The following SLC11A2 variants were observed in gnomAD, a reference collection of about 807,000 sequenced individuals.
SLC11A2 encodes natural resistance-associated macrophage protein 2.
In SLC11A2, 38 loss-of-function variants were observed where a neutral mutation model predicts 68.0. The ratio of observed to expected loss-of-function variants is 0.56; its 90% confidence interval spans 0.43 to 0.73. The LOEUF (loss-of-function observed/expected upper bound fraction) is 0.73. Among genes scored for constraint, SLC11A2 ranks in the 30% least tolerant of loss-of-function variants. SLC11A2 has a pLI of 0.00. For missense variants in SLC11A2, 517 were observed against 690.5 expected (o/e 0.75, Z 2.82); for synonymous variants, 242 against 250.6 (o/e 0.97, Z 0.32).
the SLC11A2 span, among the ~76,000 whole-genome samples, chr12:50,963,563 G>A: frequency 0.18 from 27,783 of 151,776 alleles, 2,905 homozygotes; most frequent in East Asian, 0.5. Flanking sequence ...TTCATCCTGG[G>A]GCTAAACATG....
chr12:51,023,993 G>T (rs144481221), intron 1 of SLC11A2, among the ~76,000 whole-genome samples: 1 of 152,062 alleles, frequency 6.6e-6, no homozygotes, highest in African/African-American at 2.4e-5. Flanking sequence ...CTTGTCTTGT[G>T]GGGGGTGGGA....
chr12:50,992,140 C>T (rs936722849), intron 13 of SLC11A2, 50 bp downstream of exon 13: 2 of 1,597,438 alleles, frequency 1.3e-6, no homozygotes, highest in East Asian at 2.2e-5. Flanking sequence ...AAGGGCAGTA[C>T]ATAATGCTAC....
At chr12:50,977,887 G>GA (rs1273437165), downstream of SLC11A2, among the ~76,000 whole-genome samples, 17 of 152,262 alleles carry the variant, frequency 1.1e-4, no homozygotes, top group African/African-American at 4.1e-4. Context: ...ACAGACACAT[G>GA]AAAAAATGCT....
chr12:51,021,815 T>C (rs192572446), intron 1 of SLC11A2, among the ~76,000 whole-genome samples: 23 of 151,958 alleles, frequency 1.5e-4, no homozygotes, highest in African/African-American at 5.3e-4. Context: ...GGGAGGAAGA[T>C]GTAAGGAGGA....
chr12:51,021,202 A>C (rs1159571504), intron 1 of SLC11A2, among the ~76,000 whole-genome samples: 2 of 152,234 alleles, frequency 1.3e-5, no homozygotes, highest in Non-Finnish European at 2.9e-5. Flanking sequence ...ATAGGGACTT[A>C]AGCATCATCC....
chr12:50,977,059 G>A (rs893419880), downstream of SLC11A2, among the ~76,000 whole-genome samples: 16 of 152,176 alleles, frequency 1.1e-4, no homozygotes, highest in African/African-American at 3.6e-4. Context: ...TCGTGAAAAC[G>A]GCCATACTGC....
intron 1 of SLC11A2, among the ~76,000 whole-genome samples, chr12:51,018,397 A>AG (rs1169232775): frequency 6.6e-6 from 1 of 151,396 alleles, no homozygotes; most frequent in African/African-American, 2.4e-5. Flanking sequence ...CCATCTCAAA[A>AG]AAAAAACAAA....
chr12:50,960,840 G>C, the SLC11A2 span: 13 of 730,296 alleles, frequency 1.8e-5, no homozygotes, highest in Non-Finnish European at 2.4e-5. Flanking sequence ...GTATCACCAT[G>C]TGTGGCTAAT....
intron 15 of SLC11A2, among the ~76,000 whole-genome samples, chr12:50,988,829 C>T (rs1940858219): frequency 6.6e-6 from 1 of 152,104 alleles, no homozygotes; most frequent in South Asian, 2.1e-4. Context: ...CCTCTCTCCT[C>T]AGCCTCCTGA....
upstream of SLC11A2, among the ~76,000 whole-genome samples, chr12:51,028,880 G>A (rs916676948): frequency 3.3e-5 from 5 of 152,036 alleles, no homozygotes; most frequent in Admixed American, 3.3e-4. Context: ...GGTGCCTGAT[G>A]GAAAAGAAAA....
chr12:50,964,525 G>C, the SLC11A2 span, among the ~76,000 whole-genome samples: 3 of 152,114 alleles, frequency 2.0e-5, no homozygotes, highest in Admixed American at 6.6e-5. Flanking sequence ...TGAACTAAAG[G>C]GATGTCCTGT....
chr12:50,999,299 T>G (rs1187022063), intron 7 of SLC11A2, 46 bp downstream of exon 7: 1 of 1,608,240 alleles, frequency 6.2e-7, no homozygotes, highest in East Asian at 2.2e-5. Flanking sequence ...ATCTGCCACA[T>G]GACAGAGAGC....
At chr12:50,984,718 T>C (rs1228668321), downstream of SLC11A2, among the ~76,000 whole-genome samples, 3 of 152,222 alleles carry the variant, frequency 2.0e-5, no homozygotes, top group South Asian at 2.1e-4. Context: ...GTCCATTCTC[T>C]ACACTTGCCA....
At chr12:51,010,040 CG>C (rs1943071879) in intron 2 of SLC11A2, among the ~76,000 whole-genome samples, 1 of 151,794 alleles carries the variant, frequency 6.6e-6, no homozygotes, top group South Asian at 2.1e-4. Flanking sequence ...AAACATTAGC[CG>C]GGCGTGGCGG....
rs144863268 is a variant in SLC11A2 at position 50,992,234 on chromosome 12, G to A, written c.1303C>T (p.Leu435=). ...TTCAGAAAGTCATTCATCCCTGTTA[G>A]ATGCTCTACATCTTGGAAGACAGCA... ...LVAVFQDVEH[L]TGMNDFLNVL... Residue 435 remains leucine (L), a synonymous_variant, in exon 13 of 16, where the codon CTA becomes TTA. Transcript: ENST00000262052. 1.9e-6 allele frequency: 3 copies of A among 1,613,936 alleles called. No homozygotes were observed. Among genetic ancestry groups the A allele is most frequent in the Non-Finnish European group, 2.5e-6 (3 of 1,179,930 alleles).
chr12:50,963,619 G>C, the SLC11A2 span, among the ~76,000 whole-genome samples: 1 of 152,092 alleles, frequency 6.6e-6, no homozygotes, highest in Non-Finnish European at 1.5e-5. Flanking sequence ...AATTCAGCAG[G>C]AGCCATGGTG....
intron 1 of SLC11A2, among the ~76,000 whole-genome samples, chr12:51,016,673 C>T (rs564022510): frequency 9.8e-6 from 1 of 101,810 alleles, no homozygotes; most frequent in Admixed American, 1.2e-4. Flanking sequence ...CAGGGGGAGA[C>T]TCCATCTCAA....
chr12:50,985,751 G>A (rs1940480924), downstream of SLC11A2, among the ~76,000 whole-genome samples: 1 of 152,096 alleles, frequency 6.6e-6, no homozygotes, highest in Non-Finnish European at 1.5e-5. Context: ...TTTAGCTATG[G>A]TAAAACTATT....
chr12:51,017,353 A>C (rs1420132745), intron 1 of SLC11A2, among the ~76,000 whole-genome samples: 1 of 152,202 alleles, frequency 6.6e-6, no homozygotes. Flanking sequence ...AAAATATTAC[A>C]TGTTGTCAAG....
Sources: allele counts gnomAD v4.1 joint callset (sites outside exome capture counted in the v4.1 genomes callset), GRCh38; gene constraint gnomAD v4.1.1; transcripts MANE v1.5; gene names NCBI Gene and HGNC (gene_info 2026-07-23, HGNC 2026-07-21).